Variants in PRRX2 observed in about 807,000 individuals in gnomAD.
The protein encoded by PRRX2 is paired related homeobox 2, also known as paired mesoderm homeobox protein 2.
PRRX2 carries 11 observed loss-of-function variants against 18.0 expected under a neutral mutation model. That is an observed-to-expected ratio of 0.61 (90% CI 0.39 to 1.01). The LOEUF is 1.01. Among genes scored for constraint, PRRX2 ranks in the 50% least tolerant of loss-of-function variants. PRRX2 has a pLI of 0.01. For synonymous variants in PRRX2, 177 were observed against 154.8 expected (o/e 1.14, Z -1.06); for missense variants, 387 against 351.0 (o/e 1.10, Z -0.82).
At chr9:129,707,897 G>A (rs1056114652) in intron 1 of PRRX2, among the ~76,000 whole-genome samples, 1 of 152,138 alleles carries the variant, frequency 6.6e-6, no homozygotes, top group Non-Finnish European at 1.5e-5. Flanking sequence ...GGAATTGCTG[G>A]GTCAGATGGT....
intron 1 of PRRX2, among the ~76,000 whole-genome samples, chr9:129,686,162 A>G (rs1330669890): frequency 6.6e-6 from 1 of 152,142 alleles, no homozygotes; most frequent in East Asian, 1.9e-4. Context: ...GCACCCAGTG[A>G]AGCTGGAGGG....
At chr9:129,708,573 C>A (rs1239290069) in intron 1 of PRRX2, among the ~76,000 whole-genome samples, 1 of 152,108 alleles carries the variant, frequency 6.6e-6, no homozygotes, top group Non-Finnish European at 1.5e-5. Context: ...AAGTCCCTTA[C>A]CAAATATGTA....
At chr9:129,692,515 G>T (rs1738998689) in intron 1 of PRRX2, among the ~76,000 whole-genome samples, 1 of 152,124 alleles carries the variant, frequency 6.6e-6, no homozygotes, top group Admixed American at 6.5e-5. Flanking sequence ...GTATCACCCA[G>T]AGTGGCTTCA....
At chr9:129,686,520 G>A (rs1395863842) in intron 1 of PRRX2, among the ~76,000 whole-genome samples, 1 of 151,982 alleles carries the variant, frequency 6.6e-6, no homozygotes, top group African/African-American at 2.4e-5. Flanking sequence ...ATTTTTTTAA[G>A]AGGAGTCTTA....
chr9:129,678,463 C>T (rs1235603083), intron 1 of PRRX2, among the ~76,000 whole-genome samples: 2 of 152,194 alleles, frequency 1.3e-5, no homozygotes, highest in Non-Finnish European at 2.9e-5. Context: ...GATGCTATGA[C>T]AACACACGAC....
chr9:129,669,178 T>G (rs1286855943), intron 1 of PRRX2, among the ~76,000 whole-genome samples: 2 of 150,870 alleles, frequency 1.3e-5, no homozygotes, highest in Non-Finnish European at 2.9e-5. Context: ...TTTAAAAATT[T>G]TTGTTTGCAC....
Position 129,720,613 on chromosome 9 carries a change from C to T in PRRX2, c.465C>T (p.Arg155=). The T allele has an allele frequency of 6.2e-7, 1 of 1,610,648 alleles. No homozygotes were observed. Among genetic ancestry groups the T allele is most frequent in the Admixed American group, 1.7e-5 (1 of 59,728 alleles). ...ACCCACAGGTCTGGTTTCAGAACCG[C>T]CGCGCCAAGTTCCGCAGGAATGAAA... ...EARVQVWFQN[R]RAKFRRNERA... Residue 155 remains arginine, a synonymous_variant, in exon 3 of 4, where the codon CGC becomes CGT. Coordinates refer to ENST00000372469, the MANE Select transcript of PRRX2 (RefSeq NM_016307.4).
At chr9:129,702,958 C>T (rs3844046) in intron 1 of PRRX2, among the ~76,000 whole-genome samples, 21,824 of 152,274 alleles carry the variant, frequency 0.14, 2,085 homozygotes, top group East Asian at 0.36. Context: ...GAATAGAGTC[C>T]TGTGTGCTGC....
chr9:129,696,436 G>A (rs995406423), intron 1 of PRRX2, among the ~76,000 whole-genome samples: 1 of 152,032 alleles, frequency 6.6e-6, no homozygotes, highest in Non-Finnish European at 1.5e-5. Context: ...TTGGCCAGGC[G>A]TGGTAGTGGG....
At position 129,665,734 on chromosome 9, in the gene PRRX2, C is replaced by A; in HGVS notation, c.-134C>A. On this transcript the variant is annotated 5_prime_UTR_variant, in exon 1 of 4. Coordinates refer to ENST00000372469, the MANE Select transcript of PRRX2 (RefSeq NM_016307.4). The surrounding 1 kb of genome is among the most constrained non-coding windows in gnomAD (Gnocchi z 5.3). ...TTCCCCGACGTCAGCGCCGGGCGGG[C>A]CGCGAGGCTAGGAGGCGGCGGGAGC... 1.6e-6 allele frequency: 1 copy of A among 636,210 alleles called. No individual in the cohort carries two copies. Among genetic ancestry groups the A allele is most frequent in the East Asian group, 1.3e-4 (1 of 7,572 alleles). 39.4% of individuals were successfully genotyped at this position (636,210 alleles called of 1,614,324 possible).
rs1020935259 is a variant in PRRX2, at chr9:129,675,981, C to T, written c.259+9855C>T. The stretch of plus-strand genomic sequence containing the variant: ...CTCTAATGCTCTCAAGATGGTGCCT[C>T]AGGCAGCTGGTCCAGCCAGTGGGCA... On this transcript the variant is annotated intron_variant, in intron 1 of 3. Transcript: ENST00000372469. This position sits in a 1 kb window ranked among gnomAD's most constrained non-coding sequence, Gnocchi z 4.4. Among the ~76,000 whole-genome samples, 1 of 152,196 alleles carries T rather than the reference C, an allele frequency of 6.6e-6. No individual in the cohort carries two copies. Among genetic ancestry groups the T allele is most frequent in the South Asian group, 2.1e-4 (1 of 4,830 alleles).
intron 1 of PRRX2, among the ~76,000 whole-genome samples, chr9:129,691,480 G>A (rs1832360040): frequency 6.6e-6 from 1 of 151,946 alleles, no homozygotes; most frequent in African/African-American, 2.4e-5. Flanking sequence ...CTGGATGGTA[G>A]GAATACCACA....
chr9:129,670,147 C>A (rs868018234), intron 1 of PRRX2, among the ~76,000 whole-genome samples: 1 of 150,992 alleles, frequency 6.6e-6, no homozygotes, highest in Admixed American at 6.6e-5. Flanking sequence ...AGGGCTCACC[C>A]GTGTAGCATG....
intron 1 of PRRX2, among the ~76,000 whole-genome samples, chr9:129,684,427 A>AACACACAT (rs1554723009): frequency 2.4e-5 from 2 of 82,928 alleles, no homozygotes; most frequent in Non-Finnish European, 5.1e-5. Context: ...ACACAGATAC[A>AACACACAT]ACACACACAC....
chr9:129,717,695 CAAAAAAAA>C (rs568330077), intron 1 of PRRX2, among the ~76,000 whole-genome samples: 2 of 82,522 alleles, frequency 2.4e-5, no homozygotes, highest in Non-Finnish European at 5.3e-5. Context: ...GACTCCGCCT[CAAAAAAAA>C]AAAAAAAAAA....
chr9:129,693,598 CAAA>C (rs61440612), intron 1 of PRRX2, among the ~76,000 whole-genome samples: 16 of 105,292 alleles, frequency 1.5e-4, no homozygotes, highest in East Asian at 2.3e-4. Context: ...AACTCTGTCT[CAAA>C]AAAAAAAAAA....
In PRRX2 at chr9:129,719,355, C is replaced by T. The variant is rs1424651956; in HGVS notation, c.384C>T (p.Tyr128=). The change falls in exon 2 of 4, where the codon TAC becomes TAT. Residue 128 remains tyrosine, a synonymous_variant. Transcript: ENST00000372469. ...ALERVFERTH[Y]PDAFVREELA... ...AGCGCGTGTTCGAGCGCACGCACTACCCCGACGCCTTTGTGCGCGAGGAGC... is the reference window on the plus strand; with the variant it reads ...AGCGCGTGTTCGAGCGCACGCACTATCCCGACGCCTTTGTGCGCGAGGAGC... 3 of 1,582,428 alleles carry T rather than the reference C, an allele frequency of 1.9e-6. No individual in the cohort carries two copies. Among genetic ancestry groups the T allele is most frequent in the Non-Finnish European group, 2.6e-6 (3 of 1,165,180 alleles).
rs1002451578 is a variant in PRRX2 at position 129,695,783 on chromosome 9, T to A, written c.260-23448T>A. Among the ~76,000 whole-genome samples, 1 of 152,242 alleles carries A rather than the reference T, an allele frequency of 6.6e-6. No individual in the cohort carries two copies. Among genetic ancestry groups the A allele is most frequent in the Non-Finnish European group, 1.5e-5 (1 of 68,048 alleles). Reference sequence around the variant, plus strand: ...GAACTTTTTAAAAGTGAGTTTTTTTTCTAAAATCCAGAATTTCTGACAGCC... The same window carrying A: ...GAACTTTTTAAAAGTGAGTTTTTTTACTAAAATCCAGAATTTCTGACAGCC... On this transcript the variant is annotated intron_variant, in intron 1 of 3. Transcript: ENST00000372469. This position sits in a 1 kb window ranked among gnomAD's most constrained non-coding sequence, Gnocchi z 4.8.
intron 1 of PRRX2, among the ~76,000 whole-genome samples, chr9:129,676,301 C>T (rs2119056178): frequency 6.6e-6 from 1 of 152,344 alleles, no homozygotes; most frequent in East Asian, 1.9e-4. Flanking sequence ...CTCTGGCCCG[C>T]TGAGGGACCA....
Sources: allele counts gnomAD v4.1 joint callset (sites outside exome capture counted in the v4.1 genomes callset), GRCh38; gene constraint gnomAD v4.1.1; non-coding constraint Gnocchi (gnomAD v3.1); transcripts MANE v1.5; gene names NCBI Gene and HGNC (gene_info 2026-07-23, HGNC 2026-07-21).